The following CACNA1D variants were observed in gnomAD, a reference collection of about 807,000 sequenced individuals.
CACNA1D encodes voltage-dependent L-type calcium channel subunit alpha-1D.
A neutral mutation model predicts 257.1 loss-of-function variants in CACNA1D; 55 were observed. The observed-to-expected ratio is 0.21, with a 90% CI of 0.17 to 0.27. The LOEUF is 0.27. CACNA1D is among the 10% of genes least tolerant of loss of function. CACNA1D has a pLI of 1.00. For missense variants in CACNA1D, 1,876 were observed against 2,784.0 expected, an observed-to-expected ratio of 0.67 and a Z score of 7.34; for synonymous variants, 980 against 1,014.9, an observed-to-expected ratio of 0.97 and a Z score of 0.65.
intron 3 of CACNA1D, among the ~76,000 whole-genome samples, chr3:53,567,655 C>T (rs928551818): frequency 4.6e-5 from 7 of 152,138 alleles, no homozygotes; most frequent in Admixed American, 6.5e-5. Flanking sequence ...AGCCACTCAC[C>T]GAAAACCATG....
chr3:53,533,914 A>G (rs908482175), intron 3 of CACNA1D, among the ~76,000 whole-genome samples: 5 of 152,240 alleles, frequency 3.3e-5, no homozygotes, highest in African/African-American at 1.2e-4. Flanking sequence ...TAATAGCATC[A>G]TCGTTAATAA....
chr3:53,544,489 A>G (rs1327407886), intron 3 of CACNA1D, among the ~76,000 whole-genome samples: 1 of 152,058 alleles, frequency 6.6e-6, no homozygotes, highest in Admixed American at 6.6e-5. Context: ...AGCTTCATGC[A>G]CTATGAAAAG....
intron 11 of CACNA1D, among the ~76,000 whole-genome samples, chr3:53,721,038 C>CTGTGG (rs1310504950): frequency 6.6e-6 from 1 of 152,206 alleles, no homozygotes; most frequent in Non-Finnish European, 1.5e-5. Context: ...GGTAGACACA[C>CTGTGG]TGTGGTTCAC....
intron 7 of CACNA1D, among the ~76,000 whole-genome samples, chr3:53,669,755 G>A (rs932578959): frequency 7.9e-5 from 12 of 152,180 alleles, no homozygotes; most frequent in African/African-American, 2.9e-4. Context: ...AGAGTTCTTT[G>A]ATAAAGTGAG....
chr3:53,769,856 G>A (rs1409754918), intron 30 of CACNA1D, 117 bp from the exon 31 acceptor site: 10 of 825,754 alleles, frequency 1.2e-5, no homozygotes, highest in Non-Finnish European at 1.7e-5. Context: ...CAGGGAGGGA[G>A]CAGGTGTGGT....
At chr3:53,767,327 G>C (rs2095338843) in intron 30 of CACNA1D, among the ~76,000 whole-genome samples, 1 of 152,144 alleles carries the variant, frequency 6.6e-6, no homozygotes, top group South Asian at 2.1e-4. Context: ...CACTTTGGGA[G>C]GCCGAGATAG....
intron 29 of CACNA1D, among the ~76,000 whole-genome samples, chr3:53,754,073 T>G (rs983895265): frequency 6.6e-6 from 1 of 152,258 alleles, no homozygotes; most frequent in East Asian, 1.9e-4. Flanking sequence ...CTGATTATAC[T>G]TTCAGATATC....
At chr3:53,792,353 C>A (rs2095487667) in intron 40 of CACNA1D, 1 of 152,064 alleles carries the variant, frequency 6.6e-6, no homozygotes. Flanking sequence ...CCCAAGACAC[C>A]CAAAGTGGCC....
chr3:53,607,403 C>A (rs367634148), intron 3 of CACNA1D, among the ~76,000 whole-genome samples: 1 of 152,184 alleles, frequency 6.6e-6, no homozygotes, highest in Non-Finnish European at 1.5e-5. Flanking sequence ...CCCTTAAAAT[C>A]AGAAAGGGAG....
intron 3 of CACNA1D, among the ~76,000 whole-genome samples, chr3:53,591,435 G>T (rs1259267448): frequency 2.0e-5 from 3 of 152,048 alleles, no homozygotes; most frequent in African/African-American, 7.2e-5. Context: ...TGAATTTTTA[G>T]TAGAGACGGA....
intron 26 of CACNA1D, among the ~76,000 whole-genome samples, chr3:53,748,218 G>A (rs1480005967): frequency 6.6e-6 from 1 of 152,240 alleles, no homozygotes; most frequent in East Asian, 1.9e-4. Flanking sequence ...GTTGCTCTTT[G>A]CTTCTGGAGC....
chr3:53,801,045 C>T lies in CACNA1D; in HGVS notation c.5041-13C>T. 14 of 1,613,236 alleles carry T rather than the reference C, an allele frequency of 8.7e-6. No individual in the cohort carries two copies. Among genetic ancestry groups the T allele is most frequent in the Non-Finnish European group, 1.2e-5 (14 of 1,179,270 alleles). On this transcript the variant is annotated splice_polypyrimidine_tract_variant and intron_variant, in intron 41 of 47. Transcript: ENST00000350061. ...TGTTAAATTACCTGGTGTTGTCTCC[C>T]ATTATTTTGCAGAGAAATGGTGCCC...
intron 3 of CACNA1D, among the ~76,000 whole-genome samples, chr3:53,577,680 A>G (rs1403460795): frequency 5.9e-5 from 9 of 151,994 alleles, no homozygotes; most frequent in Non-Finnish European, 5.9e-5. Context: ...GGAGGCATTT[A>G]CAACAGTGTG....
In CACNA1D at chr3:53,666,327, C is replaced by G; in HGVS notation, c.920-12C>G. 6.2e-7 allele frequency: 1 copy of G among 1,612,706 alleles called. No homozygotes were observed. Among genetic ancestry groups the G allele is most frequent in the Non-Finnish European group, 8.5e-7 (1 of 1,179,304 alleles). ...TGTCCTGAGCGGTACAGCCTGTTTG[C>G]TCTGTTTGCAGATATCGTAGCTGAA... On this transcript the variant is annotated splice_polypyrimidine_tract_variant and intron_variant, in intron 6 of 47. Coordinates refer to ENST00000350061, the MANE Select transcript of CACNA1D (RefSeq NM_001128840.3).
In CACNA1D at chr3:53,495,445, G is replaced by T. The variant is rs2090301804; in HGVS notation, c.67+212G>T. ...TGTCAGAGTTAATTCTGCATTTGTGGGGTGGGGGCGGCCGTGGAGTGTGTG... is the reference window on the plus strand; with the variant it reads ...TGTCAGAGTTAATTCTGCATTTGTGTGGTGGGGGCGGCCGTGGAGTGTGTG... On this transcript the variant is annotated intron_variant, in intron 1 of 47. Coordinates refer to ENST00000350061, the MANE Select transcript of CACNA1D (RefSeq NM_001128840.3). This position sits in a 1 kb window ranked among gnomAD's most constrained non-coding sequence, Gnocchi z 5.1. Among the ~76,000 whole-genome samples the T allele has an allele frequency of 1.3e-5, 2 of 152,186 alleles. No individual in the cohort carries two copies. The highest frequency in any genetic ancestry group is 1.3e-4 in the Admixed American group (2 of 15,272).
At chr3:53,702,944 C>A in intron 9 of CACNA1D, 134 bp downstream of exon 9, 3 of 900,136 alleles carry the variant, frequency 3.3e-6, no homozygotes, top group Non-Finnish European at 5.4e-6. Context: ...TCCCTTCTGC[C>A]TGCACACATC....
Position 53,774,280 on chromosome 3 carries a change from C to A in CACNA1D, c.4111-307C>A, listed in dbSNP as rs879002121. 7.9e-6 allele frequency: 3 copies of A among 377,718 alleles called. No homozygotes were observed. The highest frequency in any genetic ancestry group is 2.1e-5 in the African/African-American group (1 of 48,298). 23.4% of individuals were successfully genotyped at this position (377,718 alleles called of 1,614,324 possible). On this transcript the variant is annotated intron_variant, in intron 33 of 47. Transcript: ENST00000350061. This position sits in a 1 kb window ranked among gnomAD's most constrained non-coding sequence, Gnocchi z 4.3. Reference sequence around the variant, plus strand: ...GTAGATGAGCCTGTCTCACGCTTCCCTGTGTGTCTGGACCACCCCAGCATC... The same window carrying A: ...GTAGATGAGCCTGTCTCACGCTTCCATGTGTGTCTGGACCACCCCAGCATC...
intron 8 of CACNA1D, among the ~76,000 whole-genome samples, chr3:53,697,477 G>T (rs1372284660): frequency 1.3e-5 from 2 of 152,208 alleles, no homozygotes; most frequent in African/African-American, 4.8e-5. Flanking sequence ...TTACAGTCTA[G>T]CTGGTAAGCT....
chr3:53,811,548 C>T lies in CACNA1D; in HGVS notation c.*142C>T, dbSNP rs2095601053. 4.3e-6 allele frequency: 3 copies of T among 702,078 alleles called. No homozygotes were observed. The highest frequency in any genetic ancestry group is 6.8e-6 in the Non-Finnish European group (3 of 438,674). 43.5% of individuals were successfully genotyped at this position (702,078 alleles called of 1,614,324 possible). A position where few individuals can be genotyped will look rare whatever the true frequency, so the allele number is the denominator to read the frequency against. On this transcript the variant is annotated 3_prime_UTR_variant, in exon 48 of 48. Coordinates refer to ENST00000350061, the MANE Select transcript of CACNA1D (RefSeq NM_001128840.3). The surrounding 1 kb of genome is among the most constrained non-coding windows in gnomAD (Gnocchi z 4.2). The stretch of plus-strand genomic sequence containing the variant: ...AGACTTTTGTATAAGAGATGTCATG[C>T]CTCAAGAAAGCCATAAACCTGGTAG...
Sources: gnomAD v4.1 joint callset for allele counts (sites outside exome capture counted in the v4.1 genomes callset) on GRCh38, gnomAD v4.1.1 for gene constraint, Gnocchi (gnomAD v3.1) non-coding constraint, MANE v1.5 for transcripts, NCBI Gene and HGNC (gene_info 2026-07-23, HGNC 2026-07-21) for gene names.